Variants in UVSSA observed in about 807,000 individuals in gnomAD.
UVSSA encodes the protein UV stimulated scaffold protein A.
UVSSA carries 72 observed loss-of-function variants against 73.9 expected under a neutral mutation model. That is an observed-to-expected ratio of 0.97 (90% CI 0.81 to 1.19). UVSSA has a LOEUF of 1.19. UVSSA is among the 50% of genes most tolerant of loss of function. UVSSA has a pLI of 0.00. For synonymous variants in UVSSA, 454 were observed against 391.3 expected, an observed-to-expected ratio of 1.16 and a Z score of -1.89; for missense variants, 1,150 against 965.0, an observed-to-expected ratio of 1.19 and a Z score of -2.54.
chr4:1,394,033 C>T (rs2109335421), exon 14 of UVSSA: 1 of 242,486 alleles, frequency 4.1e-6, no homozygotes, highest in South Asian at 5.6e-5. Context: ...GTTCTGCTGA[C>T]ACGCAGTTGA....
chr4:1,380,103 A>G lies in UVSSA; in HGVS notation c.1625A>G (p.Asn542Ser), dbSNP rs1299886051. Residue 542 changes from asparagine to serine, a missense_variant, in exon 11 of 14, where the codon AAT becomes AGT. Transcript: ENST00000389851. ...AGCGAGGTGGAGGAGGAAGTGGTCAATGCCGACATCTCCGAGATGCTCCGG... is the reference window on the plus strand; with the variant it reads ...AGCGAGGTGGAGGAGGAAGTGGTCAGTGCCGACATCTCCGAGATGCTCCGG... ...KPSEVEEEVV[N>S]ADISEMLRSR... 2 of 1,612,590 alleles carry G rather than the reference A, an allele frequency of 1.2e-6. No individual in the cohort carries two copies. The highest frequency in any genetic ancestry group is 1.3e-5 in the African/African-American group (1 of 74,948).
chr4:1,346,791 G>T (rs1713748986), upstream of UVSSA, among the ~76,000 whole-genome samples: 3 of 151,966 alleles, frequency 2.0e-5, no homozygotes, highest in African/African-American at 7.2e-5. Context: ...ACTTCCTTTC[G>T]GCCTCAGTTT....
At chr4:1,384,064 A>G in intron 13 of UVSSA, 124 bp downstream of exon 13, 1 of 1,269,104 alleles carries the variant, frequency 7.9e-7, no homozygotes, top group Non-Finnish European at 1.1e-6. Flanking sequence ...CCCTGCTTTG[A>G]GTTCCCCTGG....
At chr4:1,394,684 G>C (rs13129432) in exon 14 of UVSSA, 1 of 1,586,154 alleles carries the variant, frequency 6.3e-7, no homozygotes, top group African/African-American at 1.4e-5. Context: ...CTGCTCACAC[G>C]TGCCCATGTG....
At chr4:1,356,230 G>A (rs375244139) in intron 7 of UVSSA, among the ~76,000 whole-genome samples, 8 of 152,262 alleles carry the variant, frequency 5.3e-5, no homozygotes, top group African/African-American at 1.9e-4. Context: ...TGTGCTCCTT[G>A]CTGAGGAAGA....
intron 7 of UVSSA, among the ~76,000 whole-genome samples, chr4:1,358,850 T>G (rs562037292): frequency 6.6e-6 from 1 of 152,378 alleles, no homozygotes; most frequent in Admixed American, 6.5e-5. Context: ...CAGGGCACGC[T>G]AATTCAGTCA....
intron 8 of UVSSA, among the ~76,000 whole-genome samples, chr4:1,368,191 G>A (rs752280648): frequency 9.2e-5 from 14 of 152,368 alleles, no homozygotes; most frequent in Non-Finnish European, 1.9e-4. Flanking sequence ...GAGTCTGGGA[G>A]CTGGCACTGA....
At chr4:1,354,924 G>T in intron 6 of UVSSA, 77 bp downstream of exon 6, 1 of 1,531,964 alleles carries the variant, frequency 6.5e-7, no homozygotes, top group South Asian at 1.2e-5. Context: ...CCTTTCTTGG[G>T]GGGACTGTGG....
At chr4:1,380,262 G>A in intron 11 of UVSSA, 32 bp downstream of exon 11, 2 of 1,595,830 alleles carry the variant, frequency 1.3e-6, no homozygotes, top group South Asian at 2.2e-5. Context: ...GGGGGTGGGT[G>A]TGGGCTGGAC....
chr4:1,347,854 CCA>C, intron 1 of UVSSA, 94 bp downstream of exon 1: 2 of 498,804 alleles, frequency 4.0e-6, no homozygotes, highest in Non-Finnish European at 3.6e-6. Flanking sequence ...ATGCAGCGTC[CCA>C]CACACGGGAT....
Position 1,376,053 on chromosome 4 carries a change from G to C in UVSSA, c.1453G>C (p.Glu485Gln). The C allele has an allele frequency of 6.3e-7, 1 of 1,599,062 alleles. No individual in the cohort carries two copies. The highest frequency in any genetic ancestry group is 1.8e-4 in the Middle Eastern group (1 of 5,632). ...SSASPSRALP[E>Q]PQEAQKLAAE... ...CTGTAGCCCCTCCAGAGCGTTGCCA[G>C]AGCCACAGGAGGCCCAGAAGCTGGC... The change falls in exon 10 of 14, where the codon GAG becomes CAG. Residue 485 changes from glutamate (E) to glutamine (Q), a missense_variant. Glu to Gln is a conservative substitution (Grantham distance 29). Coordinates refer to ENST00000389851, the MANE Select transcript of UVSSA (RefSeq NM_020894.4).
In UVSSA at chr4:1,351,677, C is replaced by A. The variant is rs775040694; in HGVS notation, c.430-38C>A. ...GTGCTGGGATTACAGGCGTGAGCCA[C>A]CGCGCCTGTCCCCTAGTCTTTATTT... On this transcript the variant is annotated intron_variant, in intron 3 of 13. Coordinates refer to ENST00000389851, the MANE Select transcript of UVSSA (RefSeq NM_020894.4). 5 of 1,605,540 alleles carry A rather than the reference C, an allele frequency of 3.1e-6. No homozygotes were observed. The South Asian group carries it at 5.5e-5, about 18-fold the overall frequency.
exon 14 of UVSSA, chr4:1,395,778 A>G (rs1720537286): frequency 6.2e-7 from 1 of 1,614,102 alleles, no homozygotes; most frequent in South Asian, 1.1e-5. Context: ...CGTACATTCT[A>G]CTCATGGTGG....
At chr4:1,369,939 C>T (rs548423008) in intron 8 of UVSSA, among the ~76,000 whole-genome samples, 98 of 152,330 alleles carry the variant, frequency 6.4e-4, no homozygotes, top group African/African-American at 2.0e-3. Flanking sequence ...TCTTGTTTTC[C>T]GGGAGTCGTT....
At chr4:1,352,848 G>A (rs551969962) in intron 4 of UVSSA, among the ~76,000 whole-genome samples, 182 bp from the exon 5 acceptor site, 2 of 152,370 alleles carry the variant, frequency 1.3e-5, no homozygotes, top group South Asian at 2.1e-4. Flanking sequence ...AGGAGGCTGA[G>A]GCGGCTGCAC....
chr4:1,367,005 C>T (rs974660814), intron 8 of UVSSA, among the ~76,000 whole-genome samples: 2 of 152,302 alleles, frequency 1.3e-5, no homozygotes, highest in Admixed American at 6.5e-5. Context: ...GCCACCACCC[C>T]GCGCCTTCCA....
rs115722661 is a variant in UVSSA at position 1,380,981 on chromosome 4, G to A, written c.1854G>A (p.Glu618=). The A allele has an allele frequency of 7.6e-4, 1,222 of 1,612,316 alleles. 11 individuals carry two copies. The African/African-American group carries it at 0.014, about 18-fold the overall frequency. ...REQRRQLQKQ[E]RPEWQDPELM... ...AGCGGCGGCAGCTGCAGAAGCAGGA[G>A]CGCCCGGGTAGGTCTGGGCAAGGCG... Residue 618 remains glutamate (E), a synonymous_variant, in exon 12 of 14, where the codon GAG becomes GAA. Transcript: ENST00000389851.
At chr4:1,349,905 G>T in intron 3 of UVSSA, 51 bp downstream of exon 3, 1 of 1,442,618 alleles carries the variant, frequency 6.9e-7, no homozygotes, top group Admixed American at 2.7e-5. Context: ...GACGTGAGGA[G>T]GGCAGACGAT....
chr4:1,393,615 T>TAGGA (rs1422932302), exon 14 of UVSSA: 1 of 150,446 alleles, frequency 6.6e-6, no homozygotes, highest in Non-Finnish European at 1.5e-5. Flanking sequence ...GATAGATAGA[T>TAGGA]AGGATAAGAT....
Sources: allele counts gnomAD v4.1 joint callset (sites outside exome capture counted in the v4.1 genomes callset), GRCh38; gene constraint gnomAD v4.1.1; transcripts MANE v1.5; gene names NCBI Gene and HGNC (gene_info 2026-07-23, HGNC 2026-07-21).